Variants in ARHGEF10 observed in about 807,000 individuals in gnomAD.
The protein encoded by ARHGEF10 is Rho guanine nucleotide exchange factor 10.
Under a neutral mutation model 147.4 loss-of-function variants are expected in ARHGEF10, and 140 were observed. The ratio of observed to expected loss-of-function variants is 0.95; its 90% CI spans 0.83 to 1.09. The LOEUF (loss-of-function observed/expected upper bound fraction) is 1.09. ARHGEF10 is among the 50% of genes least tolerant of loss of function. The pLI, the probability that ARHGEF10 is intolerant of heterozygous loss-of-function variation, is 0.00. For synonymous variants in ARHGEF10, 902 were observed against 695.8 expected (o/e 1.30, Z -4.67); for missense variants, 2,222 against 1,752.7 (o/e 1.27, Z -4.78).
At chr8:1,874,614 G>T (rs544534521) in intron 7 of ARHGEF10, among the ~76,000 whole-genome samples, 90 of 152,264 alleles carry the variant, frequency 5.9e-4, no homozygotes, top group African/African-American at 2.0e-3. Context: ...TGTGTAGCGG[G>T]TGGAGGTTCT....
At chr8:1,953,798 C>T (rs886122344) in intron 28 of ARHGEF10, among the ~76,000 whole-genome samples, 6 of 152,124 alleles carry the variant, frequency 3.9e-5, no homozygotes. Flanking sequence ...GTTCAGTAAA[C>T]CACAGCCTTA....
chr8:1,856,993 C>T (rs1049208862), intron 2 of ARHGEF10, among the ~76,000 whole-genome samples: 21 of 152,254 alleles, frequency 1.4e-4, no homozygotes, highest in African/African-American at 4.8e-4. Context: ...CCTAGCACGC[C>T]GTCTCTGCAA....
At chr8:1,895,912 C>T (rs1563250049) in intron 13 of ARHGEF10, among the ~76,000 whole-genome samples, 3 of 152,058 alleles carry the variant, frequency 2.0e-5, no homozygotes, top group Admixed American at 6.5e-5. Flanking sequence ...CCCCAGCCCC[C>T]ATTTCTAGGG....
intron 18 of ARHGEF10, among the ~76,000 whole-genome samples, chr8:1,916,196 C>G (rs936734183): frequency 1.3e-5 from 2 of 152,204 alleles, no homozygotes; most frequent in African/African-American, 4.8e-5. Flanking sequence ...GGTCCTCTCT[C>G]TGTGTCCTAA....
intron 1 of ARHGEF10, among the ~76,000 whole-genome samples, chr8:1,841,062 G>C (rs747394281): frequency 4.7e-4 from 71 of 152,242 alleles, no homozygotes; most frequent in Non-Finnish European, 8.1e-4. Flanking sequence ...ACATGCCGTC[G>C]GGGCCTAGGC....
chr8:1,866,946 C>T lies in ARHGEF10; in HGVS notation c.622+344C>T, dbSNP rs532974519. Among the ~76,000 whole-genome samples the T allele has an allele frequency of 5.3e-5, 8 of 152,014 alleles. No individual in the cohort carries two copies. In the South Asian group the frequency reaches 1.0e-3, roughly 20 times the overall value. Reference sequence around the variant, plus strand: ...AGCCACCACCCACACGCCCACCCTGCGCTTGCCTGTGATTCCCAGGGAGAT... The same window carrying T: ...AGCCACCACCCACACGCCCACCCTGTGCTTGCCTGTGATTCCCAGGGAGAT... On this transcript the variant is annotated intron_variant, in intron 6 of 28. Coordinates refer to ENST00000349830, the MANE Select transcript of ARHGEF10 (RefSeq NM_014629.4).
chr8:1,869,405 T>C (rs771619595), intron 7 of ARHGEF10, 155 bp downstream of exon 7: 21 of 734,964 alleles, frequency 2.9e-5, no homozygotes, highest in South Asian at 1.6e-4. Context: ...TGGTGGAATA[T>C]TGGTGTTTGT....
chr8:1,828,624 C>T (rs1007101873), intron 1 of ARHGEF10, among the ~76,000 whole-genome samples: 1 of 135,236 alleles, frequency 7.4e-6, no homozygotes, highest in Non-Finnish European at 1.5e-5. Flanking sequence ...TAAACCGTGG[C>T]ATGCACACTT....
In ARHGEF10 at chr8:1,832,758, A is replaced by AGAGG. The variant is rs2129037561; in HGVS notation, c.-48+8645_-48+8646insGAGG. Among the ~76,000 whole-genome samples the AGAGG allele has an allele frequency of 2.4e-5, 2 of 84,076 alleles. 1 individual carries two copies. Among genetic ancestry groups the AGAGG allele is most frequent in the South Asian group, 8.9e-4 (2 of 2,254 alleles). 55.2% of individuals were successfully genotyped at this position (84,076 alleles called of 152,430 possible). A position where few individuals can be genotyped will look rare whatever the true frequency, so the allele number is the denominator to read the frequency against. ...GGCAGAGGCAGAGGCAGAGACAGAG[A>AGAGG]CAGAGGCAGAGACAGAGGCAGAGAC... is the stretch of plus-strand genomic sequence containing the variant. On this transcript the variant is annotated intron_variant, in intron 1 of 28. Coordinates refer to ENST00000349830, the MANE Select transcript of ARHGEF10 (RefSeq NM_014629.4).
intron 18 of ARHGEF10, among the ~76,000 whole-genome samples, chr8:1,912,493 G>A (rs553922359): frequency 6.6e-6 from 1 of 152,074 alleles, no homozygotes; most frequent in African/African-American, 2.4e-5. Flanking sequence ...AGACTCAGTA[G>A]GGAGCTCCCC....
chr8:1,837,819 A>T (rs573374564), intron 1 of ARHGEF10, among the ~76,000 whole-genome samples: 10 of 152,160 alleles, frequency 6.6e-5, no homozygotes, highest in African/African-American at 2.2e-4. Context: ...TGGGCAGGTG[A>T]ATCTGTGACC....
At chr8:1,848,489 G>T (rs1327416190) in intron 2 of ARHGEF10, among the ~76,000 whole-genome samples, 1 of 152,208 alleles carries the variant, frequency 6.6e-6, no homozygotes, top group Non-Finnish European at 1.5e-5. Flanking sequence ...TGGGAGATGT[G>T]CTGCGCAGCG....
intron 2 of ARHGEF10, among the ~76,000 whole-genome samples, chr8:1,845,766 C>T (rs1804511024): frequency 6.6e-6 from 1 of 152,220 alleles, no homozygotes; most frequent in Non-Finnish European, 1.5e-5. Context: ...CCCATGGTCT[C>T]CACGACCAGA....
chr8:1,926,311 G>A (rs1042150105), intron 22 of ARHGEF10, 66 bp from the exon 23 acceptor site: 16 of 1,305,446 alleles, frequency 1.2e-5, no homozygotes, highest in Non-Finnish European at 1.6e-5. Flanking sequence ...CATTTAAGAC[G>A]TTATGTAGTC....
intron 15 of ARHGEF10, among the ~76,000 whole-genome samples, chr8:1,899,706 T>C (rs1810300295): frequency 6.6e-6 from 1 of 152,244 alleles, no homozygotes; most frequent in South Asian, 2.1e-4. Context: ...AAGCTGTTTT[T>C]TCCCAAGATC....
At chr8:1,836,083 A>T (rs560080337) in intron 1 of ARHGEF10, among the ~76,000 whole-genome samples, 26 of 151,854 alleles carry the variant, frequency 1.7e-4, no homozygotes, top group Middle Eastern at 6.8e-3. Context: ...CGGGAGGCTG[A>T]GGCAGGAGAA....
intron 22 of ARHGEF10, 30 bp downstream of exon 22, chr8:1,925,434 G>A (rs373136355): frequency 2.5e-6 from 4 of 1,612,810 alleles, no homozygotes; most frequent in Non-Finnish European, 3.4e-6. Flanking sequence ...GCGGCCCGGG[G>A]TGGGACGCAC....
chr8:1,901,462 G>T (rs932230633), intron 15 of ARHGEF10, among the ~76,000 whole-genome samples: 1 of 152,214 alleles, frequency 6.6e-6, no homozygotes, highest in Non-Finnish European at 1.5e-5. Context: ...GGTACTGTCA[G>T]TTTCTCCCAT....
chr8:1,933,267 C>T (rs751306888), intron 25 of ARHGEF10, among the ~76,000 whole-genome samples: 6 of 152,242 alleles, frequency 3.9e-5, no homozygotes, highest in African/African-American at 4.8e-5. Context: ...CATGTTAGAA[C>T]GGAAGCAGCT....
Sources: gnomAD v4.1 joint callset for allele counts (sites outside exome capture counted in the v4.1 genomes callset) on GRCh38, gnomAD v4.1.1 for gene constraint, MANE v1.5 for transcripts, NCBI Gene and HGNC (gene_info 2026-07-23, HGNC 2026-07-21) for gene names.